Variants in DNAJC9 observed in about 807,000 individuals in gnomAD.
DNAJC9 encodes the protein dnaJ homolog subfamily C member 9.
Under a neutral mutation model 32.4 loss-of-function variants are expected in DNAJC9, and 18 were observed. The ratio of observed to expected loss-of-function variants is 0.56; its 90% CI spans 0.38 to 0.82. The LOEUF (loss-of-function observed/expected upper bound fraction) is 0.82, where lower values mean the gene tolerates loss of function less well. Ranked by LOEUF, DNAJC9 falls within the 40% of genes least tolerant of loss-of-function variation. The probability of loss-of-function intolerance (pLI) is 0.00; values close to 1 mark genes in which losing one functional copy is unlikely to be tolerated. For synonymous variants in DNAJC9, 113 were observed against 122.1 expected (o/e 0.93, Z 0.49); for missense variants, 310 against 321.8 (o/e 0.96, Z 0.28).
chr10:73,233,906 C>T (rs1297129315), downstream of DNAJC9, among the ~76,000 whole-genome samples: 2 of 152,152 alleles, frequency 1.3e-5, no homozygotes, highest in South Asian at 2.1e-4. Flanking sequence ...ACTTCATAAA[C>T]CTCAGATAAG....
Sources: allele counts gnomAD v4.1 joint callset (sites outside exome capture counted in the v4.1 genomes callset), GRCh38; gene constraint gnomAD v4.1.1; transcripts MANE v1.5; gene names NCBI Gene and HGNC (gene_info 2026-07-23, HGNC 2026-07-21).